MAP2K5: variants seen among roughly 807,000 people sequenced by gnomAD.
MAP2K5 encodes mitogen-activated protein kinase kinase 5, also known as dual specificity mitogen-activated protein kinase kinase 5.
Under a neutral mutation model 83.1 loss-of-function variants are expected in MAP2K5, and 49 were observed. The ratio of observed to expected loss-of-function variants is 0.59; its 90% CI spans 0.47 to 0.75. The LOEUF is 0.75. Among genes scored for constraint, MAP2K5 ranks in the 30% least tolerant of loss-of-function variants. MAP2K5 has a pLI of 0.00. For synonymous variants in MAP2K5, 202 were observed against 191.8 expected (o/e 1.05, Z -0.44); for missense variants, 457 against 557.5 (o/e 0.82, Z 1.82).
At chr15:67,639,695 C>T (rs570216949) in intron 9 of MAP2K5, among the ~76,000 whole-genome samples, 2 of 152,278 alleles carry the variant, frequency 1.3e-5, no homozygotes, top group East Asian at 3.9e-4. Context: ...CAAGATCCTC[C>T]ACGACATGTC....
Position 67,747,791 on chromosome 15 carries a change from T to C in MAP2K5, c.1075-440T>C, listed in dbSNP as rs930964188. Among the ~76,000 whole-genome samples the C allele has an allele frequency of 2.0e-5, 3 of 152,216 alleles. No homozygotes were observed. Among genetic ancestry groups the C allele is most frequent in the Admixed American group, 6.5e-5 (1 of 15,290 alleles). On this transcript the variant is annotated intron_variant, in intron 17 of 21. Transcript: ENST00000178640. This position sits in a 1 kb window ranked among gnomAD's most constrained non-coding sequence, Gnocchi z 4.1. ...AAAATAGGGGATTGTGAGCAGACAC[T>C]GGCAGGAATCCAAAATTCTAATTTC...
At chr15:67,798,806 C>T (rs2090651221) in intron 21 of MAP2K5, among the ~76,000 whole-genome samples, 2 of 152,166 alleles carry the variant, frequency 1.3e-5, no homozygotes, top group Non-Finnish European at 2.9e-5. Flanking sequence ...ATACCACTTC[C>T]CAGGTCTTAA....
chr15:67,603,685 G>T (rs926775503), intron 8 of MAP2K5, among the ~76,000 whole-genome samples: 1 of 152,150 alleles, frequency 6.6e-6, no homozygotes, highest in Non-Finnish European at 1.5e-5. Flanking sequence ...ACAGTGCAAA[G>T]AAATGATATA....
chr15:67,574,096 C>T (rs2085003496), intron 3 of MAP2K5, among the ~76,000 whole-genome samples: 1 of 152,146 alleles, frequency 6.6e-6, no homozygotes, highest in African/African-American at 2.4e-5. Context: ...ATCCAAGAAC[C>T]ATCTCTTGGG....
At chr15:67,653,426 C>T (rs1371870086) in intron 11 of MAP2K5, among the ~76,000 whole-genome samples, 2 of 151,912 alleles carry the variant, frequency 1.3e-5, no homozygotes, top group Non-Finnish European at 2.9e-5. Flanking sequence ...GCTGGGATTA[C>T]AAGCACCCAG....
chr15:67,795,360 C>CTATATATATGCCTAA (rs2090587419), intron 21 of MAP2K5, among the ~76,000 whole-genome samples: 1 of 152,108 alleles, frequency 6.6e-6, no homozygotes, highest in African/African-American at 2.4e-5. Context: ...TAATATATGC[C>CTATATATATGCCTAA]TATAAAGCTA....
At chr15:67,727,058 G>A (rs191789409) in intron 16 of MAP2K5, among the ~76,000 whole-genome samples, 60 of 152,140 alleles carry the variant, frequency 3.9e-4, no homozygotes, top group African/African-American at 1.4e-3. Flanking sequence ...AATTAGCTGG[G>A]CATGATGGTG....
In MAP2K5 at chr15:67,668,220, A is replaced by G. The variant is rs1261256989; in HGVS notation, c.847+3575A>G. Among the ~76,000 whole-genome samples the G allele has an allele frequency of 6.6e-6, 1 of 152,206 alleles. No homozygotes were observed. Among genetic ancestry groups the G allele is most frequent in the Non-Finnish European group, 1.5e-5 (1 of 68,044 alleles). On this transcript the variant is annotated intron_variant, in intron 13 of 21. Transcript: ENST00000178640. This position sits in a 1 kb window ranked among gnomAD's most constrained non-coding sequence, Gnocchi z 4.0. ...ATTATAACCATGAATTAATCACTTT[A>G]TTCAGTTAATAAGAATACACCACTC...
Position 67,783,321 on chromosome 15 carries a change from C to T in MAP2K5, c.1242+10569C>T, listed in dbSNP as rs919958100. ...CCCGCTCACCTTCTCCTCCCACCCT[C>T]ACCTACCCCTTCACCTCAGGCCACT... On this transcript the variant is annotated intron_variant, in intron 21 of 21. Coordinates refer to ENST00000178640, the MANE Select transcript of MAP2K5 (RefSeq NM_145160.3). This position sits in a 1 kb window ranked among gnomAD's most constrained non-coding sequence, Gnocchi z 5.1. 1.3e-5 allele frequency among the ~76,000 whole-genome samples: 2 copies of T among 152,206 alleles called. No individual in the cohort carries two copies. The highest frequency in any genetic ancestry group is 2.9e-5 in the Non-Finnish European group (2 of 68,044).
At position 67,749,066 on chromosome 15, in the gene MAP2K5, C is replaced by T. The variant is rs2141274654; in HGVS notation, c.1134+465C>T. Among the ~76,000 whole-genome samples the T allele has an allele frequency of 6.6e-6, 1 of 152,324 alleles. No individual in the cohort carries two copies. Among genetic ancestry groups the T allele is most frequent in the South Asian group, 2.1e-4 (1 of 4,826 alleles). Reference sequence around the variant, plus strand: ...AAAGGGCTCAAAAACTCTAGGTCAACAGTTCAGCGTTAATTTCCTAATTAG... The same window carrying T: ...AAAGGGCTCAAAAACTCTAGGTCAATAGTTCAGCGTTAATTTCCTAATTAG... On this transcript the variant is annotated intron_variant, in intron 19 of 21. Transcript: ENST00000178640. The surrounding 1 kb of genome is among the most constrained non-coding windows in gnomAD (Gnocchi z 4.6).
In MAP2K5 at chr15:67,698,776, T is replaced by C. The variant is rs1053437529; in HGVS notation, c.973-4561T>C. Among the ~76,000 whole-genome samples, 1 of 152,204 alleles carries C rather than the reference T, an allele frequency of 6.6e-6. No individual in the cohort carries two copies. Among genetic ancestry groups the C allele is most frequent in the South Asian group, 2.1e-4 (1 of 4,826 alleles). On this transcript the variant is annotated intron_variant, in intron 15 of 21. Coordinates refer to ENST00000178640, the MANE Select transcript of MAP2K5 (RefSeq NM_145160.3). This position sits in a 1 kb window ranked among gnomAD's most constrained non-coding sequence, Gnocchi z 4.5. ...TTACTCGGAATAAAACACATACACA[T>C]TGCATGATCCAACTCAATTGGCTAT...
In MAP2K5 at chr15:67,543,157, G is replaced by C; in HGVS notation, c.-179G>C. 1.6e-6 allele frequency: 1 copy of C among 616,594 alleles called. No individual in the cohort carries two copies. Among genetic ancestry groups the C allele is most frequent in the Non-Finnish European group, 2.8e-6 (1 of 353,054 alleles). 38.2% of individuals were successfully genotyped at this position (616,594 alleles called of 1,614,324 possible). On this transcript the variant is annotated 5_prime_UTR_variant, in exon 1 of 22. Coordinates refer to ENST00000178640, the MANE Select transcript of MAP2K5 (RefSeq NM_145160.3). This position sits in a 1 kb window ranked among gnomAD's most constrained non-coding sequence, Gnocchi z 4.3. ...GACCCCCGACAGCCTGGGCAGGCTC[G>C]GTGCCTGCGGGTGCGTTCCTGATCA...
At chr15:67,731,878 C>CCT (rs750123245) in intron 17 of MAP2K5, among the ~76,000 whole-genome samples, 3 of 152,142 alleles carry the variant, frequency 2.0e-5, no homozygotes, top group Non-Finnish European at 4.4e-5. Context: ...CCTAGGGAGG[C>CCT]CTCTTGTATA....
In MAP2K5 at chr15:67,746,707, A is replaced by G. The variant is rs2089612965; in HGVS notation, c.1075-1524A>G. ...ACAACATCAAGCAGGGACTATCAAC[A>G]TAGACTAAGCCAGTCAACCTGGGAC... On this transcript the variant is annotated intron_variant, in intron 17 of 21. Transcript: ENST00000178640. The surrounding 1 kb of genome is among the most constrained non-coding windows in gnomAD (Gnocchi z 4.1). Among the ~76,000 whole-genome samples the G allele has an allele frequency of 6.6e-6, 1 of 152,246 alleles. No homozygotes were observed. Among genetic ancestry groups the G allele is most frequent in the African/African-American group, 2.4e-5 (1 of 41,472 alleles).
At chr15:67,803,503 A>G (rs1404765062) in intron 21 of MAP2K5, among the ~76,000 whole-genome samples, 3 of 152,208 alleles carry the variant, frequency 2.0e-5, no homozygotes, top group Non-Finnish European at 2.9e-5. Flanking sequence ...CACACCTGCC[A>G]GGGTCCCAGG....
chr15:67,706,683 G>A lies in MAP2K5; in HGVS notation c.1044+3275G>A, dbSNP rs74020410. Among the ~76,000 whole-genome samples the A allele has an allele frequency of 8.0e-3, 1,219 of 152,270 alleles. 21 individuals are homozygous for A. The highest frequency in any genetic ancestry group is 0.028 in the African/African-American group (1,150 of 41,542). Reference sequence around the variant, plus strand: ...CTTCAGAAGGAACTATAGGATTGTAGCCCCTGACCTCTAGGGGCTTATTAC... The same window carrying A: ...CTTCAGAAGGAACTATAGGATTGTAACCCCTGACCTCTAGGGGCTTATTAC... On this transcript the variant is annotated intron_variant, in intron 16 of 21. Coordinates refer to ENST00000178640, the MANE Select transcript of MAP2K5 (RefSeq NM_145160.3).
In MAP2K5 at chr15:67,664,645, G is replaced by A. The variant is rs1311947524; in HGVS notation, c.847G>A (p.Asp283Asn). The change falls in exon 13 of 22, where the codon GAC (aspartate) becomes AAC (asparagine). Residue 283 changes from aspartate to asparagine, a missense_variant and splice_region_variant. Coordinates refer to ENST00000178640, the MANE Select transcript of MAP2K5 (RefSeq NM_145160.3). ...GTGGAGTTTAAAGATTTTACATAGAGGTATGTGCTGGGCTTATAAGCTTGG... is the reference window on the plus strand; with the variant it reads ...GTGGAGTTTAAAGATTTTACATAGAAGTATGTGCTGGGCTTATAAGCTTGG... ...YLWSLKILHRDVKPSNMLVNT... is the reference protein window; with the variant it reads ...YLWSLKILHRNVKPSNMLVNT... 5 of 1,600,656 alleles carry A rather than the reference G, an allele frequency of 3.1e-6. No individual in the cohort carries two copies. Among genetic ancestry groups the A allele is most frequent in the East Asian group, 2.2e-5 (1 of 44,810 alleles).
intron 7 of MAP2K5, among the ~76,000 whole-genome samples, chr15:67,600,473 G>A (rs561330896): frequency 1.3e-5 from 2 of 152,230 alleles, no homozygotes; most frequent in African/African-American, 4.8e-5. Flanking sequence ...AAATGACCCA[G>A]GCAAACAAAT....
intron 3 of MAP2K5, among the ~76,000 whole-genome samples, chr15:67,576,328 A>G (rs1317763297): frequency 1.4e-5 from 2 of 147,938 alleles, no homozygotes; most frequent in African/African-American, 4.9e-5. Flanking sequence ...AAATGTAATT[A>G]TTGATTGAAT....
Sources: gnomAD v4.1 joint callset for allele counts (sites outside exome capture counted in the v4.1 genomes callset) on GRCh38, gnomAD v4.1.1 for gene constraint, Gnocchi (gnomAD v3.1) non-coding constraint, MANE v1.5 for transcripts, NCBI Gene and HGNC (gene_info 2026-07-23, HGNC 2026-07-21) for gene names.